Variants in CEP83 observed in about 807,000 individuals in gnomAD.
CEP83 encodes the protein centrosomal protein 83.
CEP83 carries 70 observed loss-of-function variants against 101.9 expected under a neutral mutation model. That is an observed-to-expected ratio of 0.69 (90% confidence interval 0.57 to 0.84). The LOEUF (loss-of-function observed/expected upper bound fraction) is 0.84, where lower values mean the gene tolerates loss of function less well. Among genes scored for constraint, CEP83 ranks in the 40% least tolerant of loss-of-function variants. The pLI is 0.00. For missense variants in CEP83, 715 were observed against 787.2 expected, an observed-to-expected ratio of 0.91 and a Z score of 1.10; for synonymous variants, 264 against 267.9, an observed-to-expected ratio of 0.99 and a Z score of 0.14.
chr12:94,431,076 A>T (rs965342701), intron 2 of CEP83, among the ~76,000 whole-genome samples: 1 of 152,218 alleles, frequency 6.6e-6, no homozygotes, highest in African/African-American at 2.4e-5. Flanking sequence ...AATTCTAAAC[A>T]TATATGCACC....
intron 2 of CEP83, among the ~76,000 whole-genome samples, chr12:94,422,723 T>C (rs1467269139): frequency 6.6e-6 from 1 of 152,260 alleles, no homozygotes; most frequent in Non-Finnish European, 1.5e-5. Flanking sequence ...TACTCTCATG[T>C]ATTTGCCTTG....
chr12:94,312,075 TAAA>T (rs376531708), intron 15 of CEP83, among the ~76,000 whole-genome samples: 1 of 145,774 alleles, frequency 6.9e-6, no homozygotes, highest in Admixed American at 6.9e-5. Flanking sequence ...ACCCCATGTT[TAAA>T]AAAAAAAAGA....
intron 1 of CEP83, among the ~76,000 whole-genome samples, chr12:94,437,178 A>C (rs116059138): frequency 0.026 from 3,931 of 151,522 alleles, 186 homozygotes; most frequent in African/African-American, 0.091. Context: ...ACCCCAACTA[A>C]ACTAAAAAAA....
downstream of CEP83, chr12:94,304,214 T>C: frequency 1.8e-6 from 1 of 555,406 alleles, no homozygotes; most frequent in Non-Finnish European, 3.2e-6. Flanking sequence ...CCAGACCCTG[T>C]ACATGGCTGC....
intron 1 of CEP83, among the ~76,000 whole-genome samples, chr12:94,445,317 G>A (rs1458572831): frequency 2.6e-5 from 4 of 151,238 alleles, no homozygotes; most frequent in East Asian, 1.9e-4. Flanking sequence ...TGCTCCCCAC[G>A]CCATATACAA....
the CEP83 span, among the ~76,000 whole-genome samples, chr12:94,289,127 G>A: frequency 6.6e-6 from 1 of 152,132 alleles, no homozygotes; most frequent in Non-Finnish European, 1.5e-5. Flanking sequence ...GGAATTCTAA[G>A]CTGTGCCATA....
chr12:94,356,980 A>G (rs4761609), intron 11 of CEP83, among the ~76,000 whole-genome samples: 39,039 of 151,752 alleles, frequency 0.26, 5,211 homozygotes, highest in South Asian at 0.33. Context: ...GAGCTTGGGG[A>G]AAAAAAATCA....
At chr12:94,421,762 T>C (rs1478896790) in intron 2 of CEP83, among the ~76,000 whole-genome samples, 1 of 152,216 alleles carries the variant, frequency 6.6e-6, no homozygotes, top group Non-Finnish European at 1.5e-5. Context: ...ATATATGGTA[T>C]ATAGCCTATT....
At chr12:94,424,241 T>C in intron 2 of CEP83, 2 of 1,613,860 alleles carry the variant, frequency 1.2e-6, no homozygotes, top group South Asian at 2.2e-5. Context: ...GATGCCCATG[T>C]CTCCATTCCT....
At chr12:94,297,172 CTT>C in the CEP83 span, 2 of 1,613,564 alleles carry the variant, frequency 1.2e-6, no homozygotes, top group Admixed American at 1.7e-5. Flanking sequence ...TTCTCTCCCT[CTT>C]TCTCTGGCAT....
chr12:94,368,996 G>T (rs2061161452), intron 9 of CEP83: 1 of 152,136 alleles, frequency 6.6e-6, no homozygotes, highest in Admixed American at 6.5e-5. Context: ...TTCAAAACAT[G>T]AAAGGCATTC....
chr12:94,310,294 CATT>C (rs1969654567), intron 15 of CEP83, among the ~76,000 whole-genome samples, 187 bp from the exon 16 acceptor site: 1 of 152,050 alleles, frequency 6.6e-6, no homozygotes, highest in Non-Finnish European at 1.5e-5. Flanking sequence ...CATTAGCAAT[CATT>C]AGCATTGCAG....
the CEP83 span, among the ~76,000 whole-genome samples, chr12:94,278,736 G>C: frequency 6.6e-6 from 1 of 152,124 alleles, no homozygotes; most frequent in African/African-American, 2.4e-5. Context: ...AGTGGCTCAC[G>C]CCTGTAATCC....
intron 6 of CEP83, among the ~76,000 whole-genome samples, chr12:94,380,888 A>G (rs2061813214): frequency 6.6e-6 from 1 of 152,192 alleles, no homozygotes; most frequent in African/African-American, 2.4e-5. Flanking sequence ...CATCTGTGTG[A>G]TAGCTGAAGT....
intron 11 of CEP83, among the ~76,000 whole-genome samples, chr12:94,345,288 A>G (rs2136676790): frequency 6.6e-6 from 1 of 152,362 alleles, no homozygotes. Flanking sequence ...TGATGTATAT[A>G]TATTGGTTTA....
intron 11 of CEP83, among the ~76,000 whole-genome samples, chr12:94,336,630 AT>A (rs1456514814): frequency 6.6e-6 from 1 of 152,250 alleles, no homozygotes; most frequent in Non-Finnish European, 1.5e-5. Flanking sequence ...ACCTGAAGAT[AT>A]GACCCATTGC....
At chr12:94,375,777 GATATA>G (rs2061501872) in intron 8 of CEP83, 104 bp downstream of exon 8, 9 of 544,572 alleles carry the variant, frequency 1.7e-5, no homozygotes, top group Non-Finnish European at 2.3e-5. Context: ...AAGGCAGAAT[GATATA>G]ATAAAACATT....
the CEP83 span, among the ~76,000 whole-genome samples, chr12:94,283,455 G>C: frequency 6.6e-6 from 1 of 152,216 alleles, no homozygotes; most frequent in Non-Finnish European, 1.5e-5. Context: ...GCATGTCCCT[G>C]TAATGTAACT....
At chr12:94,348,079 A>C (rs977914248) in intron 11 of CEP83, among the ~76,000 whole-genome samples, 1 of 152,092 alleles carries the variant, frequency 6.6e-6, no homozygotes, top group African/African-American at 2.4e-5. Flanking sequence ...AAATAGTTAA[A>C]ATGGTAAATT....
Sources: allele counts gnomAD v4.1 joint callset (sites outside exome capture counted in the v4.1 genomes callset), GRCh38; gene constraint gnomAD v4.1.1; transcripts MANE v1.5; gene names NCBI Gene and HGNC (gene_info 2026-07-23, HGNC 2026-07-21).